Variants in PLCB1 observed in about 807,000 individuals in gnomAD.
The protein encoded by PLCB1 is phospholipase C beta 1.
PLCB1 carries 46 observed loss-of-function variants against 161.8 expected under a neutral mutation model. The observed-to-expected ratio is 0.28, with a 90% CI of 0.22 to 0.36. The LOEUF is 0.36. Among genes scored for constraint, PLCB1 ranks in the 10% least tolerant of loss-of-function variants. The pLI is 1.00. For synonymous variants in PLCB1, 517 were observed against 503.7 expected, an observed-to-expected ratio of 1.03 and a Z score of -0.35; for missense variants, 1,016 against 1,472.5, an observed-to-expected ratio of 0.69 and a Z score of 5.07.
chr20:8,237,908 G>C (rs565666866), intron 2 of PLCB1, among the ~76,000 whole-genome samples: 1 of 152,066 alleles, frequency 6.6e-6, no homozygotes, highest in African/African-American at 2.4e-5. Flanking sequence ...CTTATAAAAA[G>C]ATTGTGTAAT....
intron 2 of PLCB1, among the ~76,000 whole-genome samples, chr20:8,315,859 T>G (rs766410526): frequency 6.6e-5 from 10 of 152,200 alleles, no homozygotes; most frequent in Non-Finnish European, 1.3e-4. Context: ...AGTGATGGAA[T>G]TAAATGTTTA....
chr20:8,457,712 GCGCA>G (rs1258471002), intron 3 of PLCB1, among the ~76,000 whole-genome samples: 110 of 70,670 alleles, frequency 1.6e-3, no homozygotes, highest in African/African-American at 6.0e-3. Context: ...TAATGTGTGC[GCGCA>G]CACACACACA....
intron 1 of PLCB1, among the ~76,000 whole-genome samples, chr20:8,139,332 G>A (rs1412000743): frequency 6.6e-6 from 1 of 152,076 alleles, no homozygotes; most frequent in Non-Finnish European, 1.5e-5. Context: ...CTGACCTCGG[G>A]TAATCTGCCC....
At chr20:8,221,416 A>T (rs1979402667) in intron 2 of PLCB1, among the ~76,000 whole-genome samples, 1 of 152,168 alleles carries the variant, frequency 6.6e-6, no homozygotes, top group African/African-American at 2.4e-5. Context: ...ACTTTTGGGC[A>T]CTGTTTAATA....
chr20:8,570,050 T>G (rs1383509357), intron 3 of PLCB1, among the ~76,000 whole-genome samples: 1 of 152,186 alleles, frequency 6.6e-6, no homozygotes, highest in East Asian at 1.9e-4. Flanking sequence ...TTCCTTAATG[T>G]TTGCTTCATG....
intron 2 of PLCB1, among the ~76,000 whole-genome samples, chr20:8,289,356 T>A (rs1368493991): frequency 6.6e-6 from 1 of 152,204 alleles, no homozygotes; most frequent in African/African-American, 2.4e-5. Flanking sequence ...GTGGGTCTGA[T>A]GAGGGACCTG....
chr20:8,493,381 T>C (rs1983028190), intron 3 of PLCB1, among the ~76,000 whole-genome samples: 1 of 152,222 alleles, frequency 6.6e-6, no homozygotes, highest in Admixed American at 6.5e-5. Flanking sequence ...TTGTGTAGGT[T>C]GTATAACAAA....
intron 3 of PLCB1, among the ~76,000 whole-genome samples, chr20:8,596,907 T>A (rs1192793184): frequency 6.6e-6 from 1 of 152,302 alleles, no homozygotes; most frequent in African/African-American, 2.4e-5. Flanking sequence ...TCTGTTTGTC[T>A]GTTGTTGGTG....
intron 3 of PLCB1, among the ~76,000 whole-genome samples, chr20:8,435,968 A>C (rs1980282072): frequency 6.6e-6 from 1 of 152,188 alleles, no homozygotes; most frequent in Admixed American, 6.5e-5. Flanking sequence ...TTCCTAGATG[A>C]GATACACTAA....
intron 2 of PLCB1, among the ~76,000 whole-genome samples, chr20:8,209,017 T>A (rs1395839462): frequency 6.6e-6 from 1 of 152,156 alleles, no homozygotes; most frequent in African/African-American, 2.4e-5. Flanking sequence ...TGTGTTTGTT[T>A]CTAAAAATGC....
At chr20:8,345,683 G>C (rs1191994603) in intron 2 of PLCB1, among the ~76,000 whole-genome samples, 1 of 152,192 alleles carries the variant, frequency 6.6e-6, no homozygotes, top group Non-Finnish European at 1.5e-5. Context: ...CCCGGGACTG[G>C]AGAAAGGGCA....
chr20:8,603,276 A>G (rs1987651900), intron 3 of PLCB1, among the ~76,000 whole-genome samples: 1 of 152,208 alleles, frequency 6.6e-6, no homozygotes, highest in Non-Finnish European at 1.5e-5. Flanking sequence ...TCGGGAATCA[A>G]GTAACCCTCT....
intron 31 of PLCB1, among the ~76,000 whole-genome samples, chr20:8,833,916 G>C (rs1986141777): frequency 6.6e-6 from 1 of 151,520 alleles, no homozygotes; most frequent in Non-Finnish European, 1.5e-5. Context: ...AATATTCTCT[G>C]TGGCAGTTAT....
rs565048667 is a variant in PLCB1 at position 8,663,814 on chromosome 20, T to C, written c.862+5110T>C. On this transcript the variant is annotated intron_variant, in intron 9 of 31. Coordinates refer to ENST00000338037, the MANE Select transcript of PLCB1 (RefSeq NM_015192.4). ...TTGTTTGCACTGTAGACTTAAATAT[T>C]CCTGGCACAGGAATATGCAATGACC... Among the ~76,000 whole-genome samples, 4 of 152,232 alleles carry C rather than the reference T, an allele frequency of 2.6e-5. No individual in the cohort carries two copies. In the South Asian group the frequency reaches 6.2e-4, roughly 24 times the overall value.
At chr20:8,629,790 C>T (rs369242612) in intron 4 of PLCB1, among the ~76,000 whole-genome samples, 979 of 90,454 alleles carry the variant, frequency 0.011, 75 homozygotes, top group African/African-American at 0.035. Context: ...TCCTTCCTTC[C>T]TTTCTTTCTT....
At chr20:8,715,091 C>G (rs1212537715) in intron 12 of PLCB1, among the ~76,000 whole-genome samples, 1 of 152,156 alleles carries the variant, frequency 6.6e-6, no homozygotes, top group Non-Finnish European at 1.5e-5. Context: ...CAGTCACAGT[C>G]CTGCTAAAAT....
At chr20:8,746,767 C>T (rs1981193294) in intron 23 of PLCB1, among the ~76,000 whole-genome samples, 1 of 152,154 alleles carries the variant, frequency 6.6e-6, no homozygotes, top group Non-Finnish European at 1.5e-5. Flanking sequence ...TTGCCCTGTG[C>T]CACACAATTA....
chr20:8,492,913 T>A (rs1019360944), intron 3 of PLCB1, among the ~76,000 whole-genome samples: 5 of 152,068 alleles, frequency 3.3e-5, no homozygotes, highest in Non-Finnish European at 7.4e-5. Flanking sequence ...GTTGATTTTT[T>A]AAATTATGTT....
At chr20:8,501,464 C>T (rs1435190395) in intron 3 of PLCB1, among the ~76,000 whole-genome samples, 1 of 152,184 alleles carries the variant, frequency 6.6e-6, no homozygotes, top group Non-Finnish European at 1.5e-5. Context: ...GGGTCCAATC[C>T]AGGTCACCTC....
Sources: allele counts gnomAD v4.1 joint callset (sites outside exome capture counted in the v4.1 genomes callset), GRCh38; gene constraint gnomAD v4.1.1; transcripts MANE v1.5; gene names NCBI Gene and HGNC (gene_info 2026-07-23, HGNC 2026-07-21).